The following PPM1E variants were observed in gnomAD, a reference collection of about 807,000 sequenced individuals.
PPM1E encodes protein phosphatase 1E.
A neutral mutation model predicts 65.9 loss-of-function variants in PPM1E; 20 were observed. That is an observed-to-expected ratio of 0.30 (90% CI 0.21 to 0.44). PPM1E has a LOEUF of 0.44. Ranked by LOEUF, PPM1E falls within the 20% of genes least tolerant of loss-of-function variation. The probability of loss-of-function intolerance (pLI) is 1.00; values close to 1 mark genes in which losing one functional copy is unlikely to be tolerated. For synonymous variants in PPM1E, 352 were observed against 374.9 expected (o/e 0.94, Z 0.70); for missense variants, 713 against 953.1 (o/e 0.75, Z 3.32).
intron 1 of PPM1E, among the ~76,000 whole-genome samples, chr17:58,848,291 C>G (rs1344300165): frequency 1.3e-5 from 2 of 152,094 alleles, no homozygotes; most frequent in African/African-American, 2.4e-5. Context: ...ATTACCCTGG[C>G]CAGAACTTCT....
chr17:58,851,409 G>T (rs1276643859), intron 1 of PPM1E, among the ~76,000 whole-genome samples: 5 of 152,294 alleles, frequency 3.3e-5, no homozygotes, highest in African/African-American at 4.8e-5. Context: ...CATCTTTGTG[G>T]TTTTTTCTAC....
intron 1 of PPM1E, among the ~76,000 whole-genome samples, chr17:58,865,743 A>T (rs769804438): frequency 5.9e-5 from 9 of 152,222 alleles, no homozygotes; most frequent in Non-Finnish European, 1.0e-4. Context: ...TCAGTTTTCA[A>T]ATAGTTTATC....
intron 1 of PPM1E, among the ~76,000 whole-genome samples, chr17:58,810,383 T>C (rs2050355255): frequency 6.6e-6 from 1 of 152,008 alleles, no homozygotes; most frequent in Admixed American, 6.6e-5. Flanking sequence ...ATTTTTGTAT[T>C]TGTAGTAGAG....
rs545364797 is a variant in PPM1E at position 58,886,302 on chromosome 17, A to G, written c.465-69347A>G. Among the ~76,000 whole-genome samples, 3 of 152,184 alleles carry G rather than the reference A, an allele frequency of 2.0e-5. No individual in the cohort carries two copies. The South Asian group carries it at 6.2e-4, about 32-fold the overall frequency. On this transcript the variant is annotated intron_variant, in intron 1 of 6. Transcript: ENST00000308249. ...TTTTAAAATATTATTGCATTTAACTATACTATTTAATTATATAATGAGCTG... is the reference window on the plus strand; with the variant it reads ...TTTTAAAATATTATTGCATTTAACTGTACTATTTAATTATATAATGAGCTG...
intron 1 of PPM1E, among the ~76,000 whole-genome samples, chr17:58,925,134 A>T (rs1396902433): frequency 6.6e-6 from 1 of 151,980 alleles, no homozygotes; most frequent in Non-Finnish European, 1.5e-5. Context: ...CTGGTTCTAG[A>T]TCCTTGAGGA....
In PPM1E at chr17:58,756,072, G is replaced by T. The variant is rs764850521; in HGVS notation, c.75G>T (p.Pro25=). The T allele has an allele frequency of 6.2e-7, 1 of 1,612,504 alleles. No individual in the cohort carries two copies. The highest frequency in any genetic ancestry group is 1.7e-5 in the Admixed American group (1 of 59,908). The change falls in exon 1 of 7, where the codon CCG becomes CCT. Residue 25 remains proline (P), a synonymous_variant. Coordinates refer to ENST00000308249, the MANE Select transcript of PPM1E (RefSeq NM_014906.5). ...LELFLGEFRG[P]CGGGEPEPEP... ...TATTCCTGGGCGAGTTTCGCGGACC[G>T]TGCGGCGGCGGCGAGCCGGAGCCGG...
intron 1 of PPM1E, among the ~76,000 whole-genome samples, chr17:58,883,577 G>A (rs866670905): frequency 1.4e-5 from 2 of 144,452 alleles, no homozygotes; most frequent in South Asian, 2.2e-4. Flanking sequence ...TCCGCCTCCC[G>A]GGTTCACGCC....
chr17:58,824,482 G>A (rs899958849), intron 1 of PPM1E, among the ~76,000 whole-genome samples: 3 of 151,910 alleles, frequency 2.0e-5, no homozygotes, highest in Non-Finnish European at 4.4e-5. Context: ...TTATTTTAAT[G>A]GAATCAATCA....
intron 1 of PPM1E, among the ~76,000 whole-genome samples, chr17:58,830,640 T>G (rs2143175234): frequency 6.6e-6 from 1 of 152,196 alleles, no homozygotes; most frequent in East Asian, 1.9e-4. Flanking sequence ...GATAGCATTC[T>G]GATTCCTGAA....
intron 1 of PPM1E, chr17:58,785,470 A>ATATATG (rs1555609816): frequency 1.3e-5 from 1 of 77,938 alleles, no homozygotes; most frequent in Non-Finnish European, 3.7e-5. Context: ...ATATATATAT[A>ATATATG]TATATATATA....
At chr17:58,911,853 G>C (rs2051630823) in intron 1 of PPM1E, among the ~76,000 whole-genome samples, 1 of 152,142 alleles carries the variant, frequency 6.6e-6, no homozygotes, top group Non-Finnish European at 1.5e-5. Context: ...CTTTTTTTAA[G>C]AGAGTGAGTG....
At chr17:58,960,262 G>C (rs2029988623) in intron 2 of PPM1E, among the ~76,000 whole-genome samples, 1 of 152,128 alleles carries the variant, frequency 6.6e-6, no homozygotes, top group African/African-American at 2.4e-5. Flanking sequence ...AGTTGAGCAG[G>C]AAAACAAGAG....
At chr17:58,900,083 G>A (rs992917194) in intron 1 of PPM1E, among the ~76,000 whole-genome samples, 13 of 151,950 alleles carry the variant, frequency 8.6e-5, no homozygotes, top group Non-Finnish European at 1.6e-4. Context: ...CAAAGAAAGT[G>A]GTTTCTTAAC....
chr17:58,792,180 A>G (rs927613171), intron 1 of PPM1E, among the ~76,000 whole-genome samples: 2 of 150,570 alleles, frequency 1.3e-5, no homozygotes, highest in African/African-American at 4.9e-5. Flanking sequence ...CTGAGCTTCT[A>G]TTTTACTTAT....
chr17:58,916,646 C>T (rs1356023521), intron 1 of PPM1E, among the ~76,000 whole-genome samples: 1 of 151,954 alleles, frequency 6.6e-6, no homozygotes, highest in Non-Finnish European at 1.5e-5. Flanking sequence ...GAAATTATGA[C>T]AGAAGCTAAC....
At chr17:58,932,537 A>T (rs1369700746) in intron 1 of PPM1E, among the ~76,000 whole-genome samples, 1 of 152,230 alleles carries the variant, frequency 6.6e-6, no homozygotes, top group Non-Finnish European at 1.5e-5. Context: ...ATTAACATAA[A>T]TTATAAAAAC....
At chr17:58,771,616 C>T (rs1210131039) in intron 1 of PPM1E, among the ~76,000 whole-genome samples, 2 of 144,300 alleles carry the variant, frequency 1.4e-5, no homozygotes, top group Admixed American at 1.4e-4. Flanking sequence ...AGTGAGACTC[C>T]ATCTCAAAAA....
chr17:58,824,998 A>C (rs2050518927), intron 1 of PPM1E, among the ~76,000 whole-genome samples: 1 of 151,998 alleles, frequency 6.6e-6, no homozygotes, highest in African/African-American at 2.4e-5. Context: ...TAAGAAGGAC[A>C]CAATGGACTT....
intron 1 of PPM1E, among the ~76,000 whole-genome samples, chr17:58,882,883 ATTCTG>A (rs2051215320): frequency 6.8e-6 from 1 of 147,316 alleles, no homozygotes; most frequent in Non-Finnish European, 1.5e-5. Context: ...TTTCTGTTTT[ATTCTG>A]TTCTGTCTGA....
Sources: allele counts gnomAD v4.1 joint callset (sites outside exome capture counted in the v4.1 genomes callset), GRCh38; gene constraint gnomAD v4.1.1; transcripts MANE v1.5; gene names NCBI Gene and HGNC (gene_info 2026-07-23, HGNC 2026-07-21).